Variants in RBFOX1 observed in about 807,000 individuals in gnomAD.
RBFOX1 encodes the protein RNA binding fox-1 homolog 1.
In RBFOX1, 8 loss-of-function variants were observed where a neutral mutation model predicts 57.7. The ratio of observed to expected loss-of-function variants is 0.14; its 90% CI spans 0.08 to 0.25. The LOEUF (loss-of-function observed/expected upper bound fraction) is 0.25. Among genes scored for constraint, RBFOX1 ranks in the 10% least tolerant of loss-of-function variants. RBFOX1 has a pLI of 1.00. For synonymous variants in RBFOX1, 326 were observed against 222.4 expected (o/e 1.47, Z -4.15); for missense variants, 611 against 548.5 (o/e 1.11, Z -1.14).
intron 2 of RBFOX1, among the ~76,000 whole-genome samples, chr16:5,492,207 C>T (rs892427944): frequency 7.2e-5 from 11 of 152,198 alleles, no homozygotes; most frequent in African/African-American, 2.7e-4. Flanking sequence ...CTCCTCTCTG[C>T]AGATACAGAG....
At chr16:7,201,237 A>C (rs1455434766) in intron 4 of RBFOX1, among the ~76,000 whole-genome samples, 1 of 152,174 alleles carries the variant, frequency 6.6e-6, no homozygotes, top group Admixed American at 6.5e-5. Flanking sequence ...AAACCAAAGG[A>C]ATGCCAGATA....
chr16:6,981,349 A>G (rs2088810796), intron 3 of RBFOX1, among the ~76,000 whole-genome samples: 1 of 151,716 alleles, frequency 6.6e-6, no homozygotes, highest in South Asian at 2.1e-4. Flanking sequence ...CTCCTACTTT[A>G]CTTTTCTGTT....
chr16:5,990,968 C>G (rs144771805), intron 4 of RBFOX1, among the ~76,000 whole-genome samples: 127 of 152,242 alleles, frequency 8.3e-4, no homozygotes, highest in African/African-American at 3.0e-3. Context: ...GAGCAAGACT[C>G]TGTCAGAGAG....
At chr16:7,532,968 C>G (rs1303847731) in intron 5 of RBFOX1, among the ~76,000 whole-genome samples, 1 of 152,208 alleles carries the variant, frequency 6.6e-6, no homozygotes, top group Non-Finnish European at 1.5e-5. Flanking sequence ...AATTAATTGC[C>G]TGCATTGTAA....
intron 5 of RBFOX1, among the ~76,000 whole-genome samples, chr16:7,574,817 G>T (rs533830212): frequency 6.6e-6 from 1 of 152,182 alleles, no homozygotes; most frequent in Non-Finnish European, 1.5e-5. Context: ...CCTATTGACA[G>T]ATGACAGCCT....
At chr16:5,359,885 C>T (rs1223229497) in intron 1 of RBFOX1, among the ~76,000 whole-genome samples, 1 of 152,148 alleles carries the variant, frequency 6.6e-6, no homozygotes, top group African/African-American at 2.4e-5. Context: ...TGCTGAAGTG[C>T]GTGATCTCTA....
At chr16:6,631,307 G>C (rs914762696) in intron 2 of RBFOX1, among the ~76,000 whole-genome samples, 3 of 152,080 alleles carry the variant, frequency 2.0e-5, no homozygotes, top group Non-Finnish European at 4.4e-5. Flanking sequence ...ACGAGAGACA[G>C]AGATGCATTT....
chr16:7,323,306 C>G (rs1002962704), intron 4 of RBFOX1, among the ~76,000 whole-genome samples: 1 of 152,084 alleles, frequency 6.6e-6, no homozygotes, highest in African/African-American at 2.4e-5. Flanking sequence ...CACCTGTAGT[C>G]CCAGGTTTTC....
At chr16:6,853,452 C>G (rs1013183570) in intron 3 of RBFOX1, among the ~76,000 whole-genome samples, 2 of 152,040 alleles carry the variant, frequency 1.3e-5, no homozygotes, top group Non-Finnish European at 2.9e-5. Context: ...GTTTAAAAGG[C>G]AAATCATCCT....
chr16:7,483,019 T>C (rs4787028), intron 4 of RBFOX1, among the ~76,000 whole-genome samples: 59,466 of 151,996 alleles, frequency 0.39, 12,173 homozygotes, highest in African/African-American at 0.53. Context: ...GTCATGAACC[T>C]GGGCCCCTCA....
intron 3 of RBFOX1, among the ~76,000 whole-genome samples, chr16:7,013,287 A>G (rs2093738469): frequency 6.6e-6 from 1 of 152,188 alleles, no homozygotes; most frequent in South Asian, 2.1e-4. Context: ...AATTCAATGA[A>G]GTAAGGTATG....
rs556510674 is a variant in RBFOX1, at chr16:6,504,096, G to A, written c.-63-150507G>A. ...TTTGGTTCTTTTTTGTTCCTTCAGT[G>A]AAATGGCAGCCCAGAGGTAAGGTAG... On this transcript the variant is annotated intron_variant, in intron 2 of 15. Transcript: ENST00000550418. 5.3e-5 allele frequency among the ~76,000 whole-genome samples: 8 copies of A among 152,216 alleles called. No homozygotes were observed. The South Asian group carries it at 1.7e-3, about 32-fold the overall frequency.
chr16:6,392,477 T>C (rs1467571995), intron 2 of RBFOX1, among the ~76,000 whole-genome samples: 1 of 152,232 alleles, frequency 6.6e-6, no homozygotes, highest in Non-Finnish European at 1.5e-5. Context: ...TAATAATTAC[T>C]GTTTTCATTT....
chr16:7,531,625 C>A (rs2080100347), intron 5 of RBFOX1, among the ~76,000 whole-genome samples: 1 of 152,118 alleles, frequency 6.6e-6, no homozygotes, highest in Non-Finnish European at 1.5e-5. Flanking sequence ...TGACATAACT[C>A]ATCAAGAAAT....
rs149516490 is a variant in RBFOX1 at position 7,000,586 on chromosome 16, C to CTTTTTTTT, written c.-15-51466_-15-51465insTTTTTTTT. On this transcript the variant is annotated intron_variant, in intron 3 of 15. Coordinates refer to ENST00000550418, the MANE Select transcript of RBFOX1 (RefSeq NM_018723.4). ...TAAGTTTTCTTTTCTTTTTTTCTTTCTTTTTCTTTCTTTTTTTTTTTTTTT... is the reference window on the plus strand; with the variant it reads ...TAAGTTTTCTTTTCTTTTTTTCTTTCTTTTTTTTTTTTTCTTTCTTTTTTTTTTTTTTT... Among the ~76,000 whole-genome samples, 13 of 95,834 alleles carry CTTTTTTTT rather than the reference C, an allele frequency of 1.4e-4. 1 individual carries two copies. The highest frequency in any genetic ancestry group is 4.4e-4 in the African/African-American group (13 of 29,378). The allele number at this position is 95,834 out of a possible 152,430, so 62.9% of individuals were successfully genotyped here.
At chr16:7,031,179 G>T (rs947837030) in intron 3 of RBFOX1, among the ~76,000 whole-genome samples, 4 of 152,156 alleles carry the variant, frequency 2.6e-5, no homozygotes, top group African/African-American at 4.8e-5. Context: ...AGTCAGCAAT[G>T]CCTTACAGTT....
intron 3 of RBFOX1, among the ~76,000 whole-genome samples, chr16:5,780,517 A>G (rs2054291303): frequency 6.6e-6 from 1 of 152,226 alleles, no homozygotes; most frequent in African/African-American, 2.4e-5. Context: ...AGATATATAC[A>G]GTGTGTATTT....
At chr16:7,057,043 A>C (rs1320825183) in intron 4 of RBFOX1, among the ~76,000 whole-genome samples, 1 of 151,422 alleles carries the variant, frequency 6.6e-6, no homozygotes, top group African/African-American at 2.4e-5. Context: ...AAAAAAAAAA[A>C]TGCAGGCCTG....
At chr16:5,564,045 G>T (rs557320395) in intron 2 of RBFOX1, among the ~76,000 whole-genome samples, 15 of 152,150 alleles carry the variant, frequency 9.9e-5, no homozygotes, top group African/African-American at 3.4e-4. Context: ...ACTGAGTCTT[G>T]CTCTGTCACC....
Sources: allele counts gnomAD v4.1 joint callset (sites outside exome capture counted in the v4.1 genomes callset), GRCh38; gene constraint gnomAD v4.1.1; transcripts MANE v1.5; gene names NCBI Gene and HGNC (gene_info 2026-07-23, HGNC 2026-07-21).